The following SH3RF1 variants were observed in gnomAD, a reference collection of about 807,000 sequenced individuals.
SH3RF1 encodes SH3 domain containing ring finger 1, also known as E3 ubiquitin-protein ligase SH3RF1.
SH3RF1 carries 32 observed loss-of-function variants against 74.0 expected under a neutral mutation model. The observed-to-expected ratio is 0.43, with a 90% CI of 0.33 to 0.58. The LOEUF is 0.58. Ranked by LOEUF, SH3RF1 falls within the 20% of genes least tolerant of loss-of-function variation. The pLI is 0.05. For missense variants in SH3RF1, 954 were observed against 1,130.9 expected (o/e 0.84, Z 2.24); for synonymous variants, 396 against 439.6 (o/e 0.90, Z 1.24).
chr4:169,127,238 C>T (rs1733543176), intron 6 of SH3RF1, among the ~76,000 whole-genome samples: 1 of 152,098 alleles, frequency 6.6e-6, no homozygotes, highest in Non-Finnish European at 1.5e-5. Flanking sequence ...TTTATAACTT[C>T]GTTCTGCATA....
At chr4:169,146,611 C>T (rs1054239231) in intron 4 of SH3RF1, among the ~76,000 whole-genome samples, 7 of 152,154 alleles carry the variant, frequency 4.6e-5, no homozygotes, top group African/African-American at 1.4e-4. Flanking sequence ...AAAGTCAGTT[C>T]GTAGCAAACA....
intron 2 of SH3RF1, 90 bp downstream of exon 2, chr4:169,268,730 G>T: frequency 1.4e-6 from 2 of 1,415,196 alleles, no homozygotes; most frequent in Non-Finnish European, 1.9e-6. Context: ...TAAGCAATGA[G>T]TTGACTTCGA....
rs1421290368 is a variant in SH3RF1, at chr4:169,095,592, G to A, written c.*927C>T. The A allele has an allele frequency of 6.6e-6, 1 of 152,626 alleles. No homozygotes were observed. The highest frequency in any genetic ancestry group is 2.4e-5 in the African/African-American group (1 of 41,438). 9.5% of individuals were successfully genotyped at this position (152,626 alleles called of 1,614,324 possible). A position where few individuals can be genotyped will look rare whatever the true frequency, so the allele number is the denominator to read the frequency against. On this transcript the variant is annotated 3_prime_UTR_variant, in exon 12 of 12. Coordinates refer to ENST00000284637, the MANE Select transcript of SH3RF1 (RefSeq NM_020870.4). ...ACTATCTCACAAATGTTTTACTTGT[G>A]TCCTGGGCATGCAGGTCAGTTGGGG...
chr4:169,211,728 T>C (rs1579140622), intron 2 of SH3RF1, among the ~76,000 whole-genome samples: 4 of 152,298 alleles, frequency 2.6e-5, no homozygotes, highest in East Asian at 1.9e-4. Flanking sequence ...TGAATGTATG[T>C]GTGTGGTTTA....
intron 2 of SH3RF1, among the ~76,000 whole-genome samples, chr4:169,160,106 G>A (rs929846263): frequency 1.3e-5 from 2 of 152,106 alleles, no homozygotes; most frequent in Non-Finnish European, 2.9e-5. Flanking sequence ...ATTATGGCCT[G>A]TTTTTTTCCC....
At chr4:169,218,308 G>C (rs2331606) in intron 2 of SH3RF1, among the ~76,000 whole-genome samples, 1 of 139,922 alleles carries the variant, frequency 7.1e-6, no homozygotes, top group Non-Finnish European at 1.5e-5. Flanking sequence ...TATAAATATA[G>C]AATATAGAAT....
chr4:169,097,011 G>A (rs1732942519), intron 11 of SH3RF1, among the ~76,000 whole-genome samples: 1 of 152,044 alleles, frequency 6.6e-6, no homozygotes, highest in African/African-American at 2.4e-5. Context: ...TCCCGAGAGG[G>A]GTATCATTTC....
intron 6 of SH3RF1, among the ~76,000 whole-genome samples, chr4:169,127,138 G>A (rs929482451): frequency 2.6e-5 from 4 of 152,292 alleles, no homozygotes; most frequent in Non-Finnish European, 5.9e-5. Context: ...ATAGTTTGAT[G>A]TCTGAATTAG....
intron 2 of SH3RF1, among the ~76,000 whole-genome samples, chr4:169,203,232 T>C (rs1452254454): frequency 6.6e-6 from 1 of 152,148 alleles, no homozygotes; most frequent in African/African-American, 2.4e-5. Flanking sequence ...ATCTTGCTCT[T>C]TGTAGTTGAA....
chr4:169,190,369 A>G (rs1041124334), intron 2 of SH3RF1, among the ~76,000 whole-genome samples: 2 of 152,206 alleles, frequency 1.3e-5, no homozygotes, highest in Non-Finnish European at 2.9e-5. Context: ...AATAAGCTCA[A>G]TAAGAAACAA....
chr4:169,168,851 G>T lies in SH3RF1; in HGVS notation c.394-12172C>A, dbSNP rs187658282. Among the ~76,000 whole-genome samples the T allele has an allele frequency of 2.6e-5, 4 of 152,296 alleles. No individual in the cohort carries two copies. In the South Asian group the frequency reaches 6.2e-4, roughly 24 times the overall value. ...GATGATTTTGTCCTTTGTTTCTTAG[G>T]GGTGGAATCTCAATAATAATGATAG... On this transcript the variant is annotated intron_variant, in intron 2 of 11. Coordinates refer to ENST00000284637, the MANE Select transcript of SH3RF1 (RefSeq NM_020870.4).
intron 2 of SH3RF1, among the ~76,000 whole-genome samples, chr4:169,197,388 G>C (rs1734830810): frequency 6.6e-6 from 1 of 152,036 alleles, no homozygotes; most frequent in Non-Finnish European, 1.5e-5. Flanking sequence ...ACTTTGGAAG[G>C]CCAGGGCAGG....
chr4:169,146,372 G>C (rs542197236), intron 4 of SH3RF1, among the ~76,000 whole-genome samples: 2 of 151,332 alleles, frequency 1.3e-5, no homozygotes, highest in Admixed American at 1.3e-4. Context: ...TGGTATTACA[G>C]GCGCATGCCA....
intron 2 of SH3RF1, among the ~76,000 whole-genome samples, chr4:169,170,562 T>C (rs1734311155): frequency 6.6e-6 from 1 of 152,218 alleles, no homozygotes; most frequent in Non-Finnish European, 1.5e-5. Flanking sequence ...AAGCAACTAA[T>C]TTTACATGTT....
intron 6 of SH3RF1, among the ~76,000 whole-genome samples, chr4:169,126,636 T>C (rs75914796): frequency 0.025 from 3,862 of 152,264 alleles, 105 homozygotes; most frequent in East Asian, 0.13. Context: ...CTGGCTGGAG[T>C]GCAGTGGCAC....
intron 2 of SH3RF1, among the ~76,000 whole-genome samples, chr4:169,242,622 A>C (rs971413832): frequency 5.3e-5 from 8 of 152,184 alleles, no homozygotes; most frequent in Non-Finnish European, 8.8e-5. Context: ...TGGAAACTTA[A>C]TCTCCAATGC....
At chr4:169,259,973 A>G (rs1731251975) in intron 2 of SH3RF1, among the ~76,000 whole-genome samples, 1 of 152,176 alleles carries the variant, frequency 6.6e-6, no homozygotes, top group Non-Finnish European at 1.5e-5. Flanking sequence ...GTCTTTTTAC[A>G]TATTGTCTTG....
intron 2 of SH3RF1, among the ~76,000 whole-genome samples, chr4:169,202,862 A>C (rs764056140): frequency 7.2e-5 from 11 of 152,242 alleles, no homozygotes; most frequent in Non-Finnish European, 1.6e-4. Flanking sequence ...TCAATAAAAG[A>C]AACTTTAAAA....
intron 2 of SH3RF1, among the ~76,000 whole-genome samples, chr4:169,160,050 A>G (rs1734126379): frequency 6.6e-6 from 1 of 152,220 alleles, no homozygotes; most frequent in African/African-American, 2.4e-5. Flanking sequence ...GCATGAATTA[A>G]TTGAAAATCC....
Sources: gnomAD v4.1 joint callset for allele counts (sites outside exome capture counted in the v4.1 genomes callset) on GRCh38, gnomAD v4.1.1 for gene constraint, MANE v1.5 for transcripts, NCBI Gene and HGNC (gene_info 2026-07-23, HGNC 2026-07-21) for gene names.